Variants in NMRAL1 observed in about 807,000 individuals in gnomAD.
The protein encoded by NMRAL1 is NmrA like redox sensor 1.
NMRAL1 carries 32 observed loss-of-function variants against 27.5 expected under a neutral mutation model. The observed-to-expected ratio is 1.16, with a 90% CI of 0.88 to 1.56. NMRAL1 has a LOEUF of 1.56. Among genes scored for constraint, NMRAL1 ranks in the 40% most tolerant of loss-of-function variants. The probability of loss-of-function intolerance (pLI) is 0.00; values close to 1 mark genes in which losing one functional copy is unlikely to be tolerated. For synonymous variants in NMRAL1, 166 were observed against 166.8 expected (o/e 1.00, Z 0.04); for missense variants, 420 against 392.0 (o/e 1.07, Z -0.60).
upstream of NMRAL1, among the ~76,000 whole-genome samples, chr16:4,475,247 C>G (rs1477708589): frequency 2.0e-5 from 3 of 151,944 alleles, no homozygotes; most frequent in Non-Finnish European, 4.4e-5. Flanking sequence ...GCCACCGTGC[C>G]CAGCCCTAAC....
chr16:4,464,611 G>GTTT (rs775753695), intron 4 of NMRAL1, among the ~76,000 whole-genome samples: 5 of 133,066 alleles, frequency 3.8e-5, no homozygotes, highest in South Asian at 2.3e-4. Flanking sequence ...CTGACTGCAG[G>GTTT]TTTTTTTTTT....
At chr16:4,467,143 G>A (rs2057361168) in intron 3 of NMRAL1, 1 of 152,302 alleles carries the variant, frequency 6.6e-6, no homozygotes, top group African/African-American at 2.4e-5. Flanking sequence ...GAAGAGGGAA[G>A]CGGAGATTGG....
At chr16:4,475,788 A>T (rs2141484805), upstream of NMRAL1, 1 of 152,114 alleles carries the variant, frequency 6.6e-6, no homozygotes, top group East Asian at 2.0e-4. Context: ...AAAATACAAA[A>T]ATTAGCCGGG....
Position 4,463,861 on chromosome 16 carries a change from G to C in NMRAL1, c.530-11C>G, listed in dbSNP as rs2057210988. ...CACCTGTGGGCAAGCCTGTGGGGCA[G>C]AGACGTGAGCTGGTATATGTCCCGA... On this transcript the variant is annotated splice_polypyrimidine_tract_variant and intron_variant, in intron 4 of 5. Transcript: ENST00000283429. The C allele has an allele frequency of 6.2e-7, 1 of 1,610,784 alleles. No individual in the cohort carries two copies. The highest frequency in any genetic ancestry group is 8.5e-7 in the Non-Finnish European group (1 of 1,177,850).
intron 3 of NMRAL1, chr16:4,467,066 G>T (rs762230319): frequency 6.6e-6 from 1 of 152,376 alleles, no homozygotes; most frequent in East Asian, 1.9e-4. Flanking sequence ...CTAGATAGGC[G>T]CTAAATCCAG....
chr16:4,463,711 C>T lies in NMRAL1; in HGVS notation c.669G>A (p.Glu223=). 3.7e-6 allele frequency: 6 copies of T among 1,614,062 alleles called. No homozygotes were observed. Among genetic ancestry groups the T allele is most frequent in the Non-Finnish European group, 5.1e-6 (6 of 1,180,028 alleles). The change falls in exon 5 of 6, where the codon GAG becomes GAA. Residue 223 remains glutamate, a synonymous_variant. Transcript: ENST00000283429. Reference sequence around the variant, plus strand: ...TGTGCTTGGTGAGCAGGGCAGCGTACTCCTCGGCCGTGTGCCTGCAAGTGC... The same window carrying T: ...TGTGCTTGGTGAGCAGGGCAGCGTATTCCTCGGCCGTGTGCCTGCAAGTGC... The part of the protein sequence containing the change: ...GLSTCRHTAE[E]YAALLTKHTR...
At chr16:4,469,843 G>A (rs2057483655) in intron 2 of NMRAL1, 2 of 187,316 alleles carry the variant, frequency 1.1e-5, no homozygotes, top group South Asian at 1.2e-4. Context: ...CCACAGCCTG[G>A]GTGACACAGC....
chr16:4,474,196 G>A, intron 1 of NMRAL1, 30 bp from the exon 2 acceptor site: 2 of 1,549,836 alleles, frequency 1.3e-6, no homozygotes. Context: ...TGGAGTTGGG[G>A]GTGGGGCCGG....
At chr16:4,473,096 C>T (rs2057651154) in intron 2 of NMRAL1, among the ~76,000 whole-genome samples, 1 of 151,508 alleles carries the variant, frequency 6.6e-6, no homozygotes, top group Non-Finnish European at 1.5e-5. Context: ...ACCTCAACCT[C>T]CTAGGTAGCT....
chr16:4,463,784 C>T lies in NMRAL1; in HGVS notation c.596G>A (p.Ser199Asn). ...SVSDLGPVVL[S>N]LLKMPEKYVG... ...GTATTTTTCTGGCATCTTCAAAAGG[C>T]TGAGCACCACAGGACCCAGGTCAGA... Residue 199 changes from serine (S) to asparagine (N), a missense_variant, in exon 5 of 6, where the codon AGC becomes AAC. Ser to Asn is a conservative substitution (Grantham distance 46, BLOSUM62 1). Coordinates refer to ENST00000283429, the MANE Select transcript of NMRAL1 (RefSeq NM_020677.6). 1 of 1,614,146 alleles carries T rather than the reference C, an allele frequency of 6.2e-7. No homozygotes were observed. Among genetic ancestry groups the T allele is most frequent in the East Asian group, 2.2e-5 (1 of 44,878 alleles).
intron 2 of NMRAL1, among the ~76,000 whole-genome samples, chr16:4,470,944 C>G (rs1386909068): frequency 1.1e-5 from 1 of 92,844 alleles, no homozygotes; most frequent in Non-Finnish European, 2.7e-5. Flanking sequence ...AAGACTCCGT[C>G]TCAAAAAAAA....
chr16:4,470,889 G>C (rs1477332734), intron 2 of NMRAL1, among the ~76,000 whole-genome samples: 4 of 151,458 alleles, frequency 2.6e-5, no homozygotes, highest in Admixed American at 6.6e-5. Flanking sequence ...GGAGCTTGCA[G>C]TGAGCCGAGA....
In NMRAL1 at chr16:4,463,406, T is replaced by C. The variant is rs915840597; in HGVS notation, c.720+254A>G. 5.7e-6 allele frequency: 3 copies of C among 526,890 alleles called. No individual in the cohort carries two copies. The African/African-American group carries it at 6.0e-5, about 11-fold the overall frequency. 32.6% of individuals were successfully genotyped at this position (526,890 alleles called of 1,614,324 possible). Reference sequence around the variant, plus strand: ...GAGGAGCCCGGCAGGGCCTGCATTTTCACCCCTCCTTGCCTTGGCTCCTAT... The same window carrying C: ...GAGGAGCCCGGCAGGGCCTGCATTTCCACCCCTCCTTGCCTTGGCTCCTAT... On this transcript the variant is annotated intron_variant, in intron 5 of 5. Transcript: ENST00000283429.
chr16:4,469,868 A>G (rs1472491575), intron 2 of NMRAL1, among the ~76,000 whole-genome samples: 1 of 143,142 alleles, frequency 7.0e-6, no homozygotes, highest in Non-Finnish European at 1.5e-5. Context: ...ATCTGTATTA[A>G]AAAAAAAAAA....
intron 3 of NMRAL1, chr16:4,466,797 G>T (rs1441523585): frequency 4.5e-6 from 1 of 224,030 alleles, no homozygotes; most frequent in Non-Finnish European, 9.0e-6. Context: ...CACCACAGCT[G>T]CCTAGGTTCA....
At chr16:4,463,007 A>G (rs932447145) in intron 5 of NMRAL1, among the ~76,000 whole-genome samples, 22 of 151,808 alleles carry the variant, frequency 1.4e-4, no homozygotes, top group Admixed American at 1.4e-3. Flanking sequence ...GGCGCCTGCC[A>G]CCACACCCGG....
Position 4,461,748 on chromosome 16 carries a change from C to G in NMRAL1, c.*32G>C. 6.4e-7 allele frequency: 1 copy of G among 1,568,806 alleles called. No homozygotes were observed. The highest frequency in any genetic ancestry group is 8.6e-7 in the Non-Finnish European group (1 of 1,157,254). On this transcript the variant is annotated 3_prime_UTR_variant, in exon 6 of 6. Transcript: ENST00000283429. Reference sequence around the variant, plus strand: ...GGTGCCTCTGCCCCTCTGGTGCCCCCGATCCCCACAAGGGGCCGCGAGGCG... The same window carrying G: ...GGTGCCTCTGCCCCTCTGGTGCCCCGGATCCCCACAAGGGGCCGCGAGGCG...
chr16:4,468,615 CAAAA>C lies in NMRAL1; in HGVS notation c.279+608_279+611del, dbSNP rs59245472. 1.9e-3 allele frequency among the ~76,000 whole-genome samples: 238 copies of C among 128,200 alleles called. 1 individual carries two copies. Among genetic ancestry groups the C allele is most frequent in the East Asian group, 0.013 (57 of 4,368 alleles). 84.1% of individuals were successfully genotyped at this position (128,200 alleles called of 152,430 possible). A position where few individuals can be genotyped will look rare whatever the true frequency, so the allele number is the denominator to read the frequency against. Reference sequence around the variant, plus strand: ...TGGGCGACAGAGCAAGACTCAGTCTCAAAAAAAAAAAAAAAAAAAAGATCTGCGT... The same window carrying C: ...TGGGCGACAGAGCAAGACTCAGTCTCAAAAAAAAAAAAAAAAGATCTGCGT... On this transcript the variant is annotated intron_variant, in intron 3 of 5. Coordinates refer to ENST00000283429, the MANE Select transcript of NMRAL1 (RefSeq NM_020677.6).
chr16:4,470,396 G>A (rs1460989813), intron 2 of NMRAL1, among the ~76,000 whole-genome samples: 1 of 152,042 alleles, frequency 6.6e-6, no homozygotes, highest in Non-Finnish European at 1.5e-5. Context: ...CTTGAACCCA[G>A]GAGGCAGAGG....
Sources: allele counts gnomAD v4.1 joint callset (sites outside exome capture counted in the v4.1 genomes callset), GRCh38; gene constraint gnomAD v4.1.1; transcripts MANE v1.5; gene names NCBI Gene and HGNC (gene_info 2026-07-23, HGNC 2026-07-21).